Variants in ADAMTS12 observed in about 807,000 individuals in gnomAD.
ADAMTS12 encodes the protein ADAM metallopeptidase with thrombospondin type 1 motif 12.
In ADAMTS12, 118 loss-of-function variants were observed where a neutral mutation model predicts 167.8. That is an observed-to-expected ratio of 0.70 (90% CI 0.61 to 0.82). The LOEUF (loss-of-function observed/expected upper bound fraction) is 0.82, where lower values mean the gene tolerates loss of function less well. ADAMTS12 is among the 40% of genes least tolerant of loss of function. ADAMTS12 has a pLI of 0.00. For synonymous variants in ADAMTS12, 704 were observed against 716.9 expected (o/e 0.98, Z 0.29); for missense variants, 1,916 against 1,998.8 (o/e 0.96, Z 0.79).
At chr5:33,730,527 G>A (rs1744157722) in intron 3 of ADAMTS12, among the ~76,000 whole-genome samples, 1 of 151,900 alleles carries the variant, frequency 6.6e-6, no homozygotes, top group African/African-American at 2.4e-5. Flanking sequence ...ATAGAATGTT[G>A]ATTCATTATC....
At chr5:33,597,553 C>T (rs1737957886) in intron 16 of ADAMTS12, among the ~76,000 whole-genome samples, 1 of 152,206 alleles carries the variant, frequency 6.6e-6, no homozygotes, top group Non-Finnish European at 1.5e-5. Context: ...GTCCTACCAC[C>T]CACCACCTCG....
chr5:33,761,004 G>A (rs185340804), intron 2 of ADAMTS12, among the ~76,000 whole-genome samples: 1 of 152,096 alleles, frequency 6.6e-6, no homozygotes, highest in African/African-American at 2.4e-5. Context: ...AAAAGGAAGA[G>A]GAAAAATTGC....
At chr5:33,821,978 C>A (rs978947361) in intron 2 of ADAMTS12, among the ~76,000 whole-genome samples, 2 of 152,160 alleles carry the variant, frequency 1.3e-5, no homozygotes, top group African/African-American at 4.8e-5. Context: ...TACTCTTCCA[C>A]GTGTTTAATC....
intron 5 of ADAMTS12, among the ~76,000 whole-genome samples, chr5:33,673,174 C>A (rs1430254955): frequency 6.6e-6 from 1 of 152,220 alleles, no homozygotes; most frequent in Non-Finnish European, 1.5e-5. Flanking sequence ...ACTTCCTGGG[C>A]TCCTCTGTGA....
rs568663031 is a variant in ADAMTS12, at chr5:33,844,133, G to A, written c.489+36986C>T. Among the ~76,000 whole-genome samples the A allele has an allele frequency of 5.4e-4, 82 of 152,076 alleles. No homozygotes were observed. The South Asian group carries it at 0.016, about 30-fold the overall frequency. On this transcript the variant is annotated intron_variant, in intron 2 of 23. Coordinates refer to ENST00000504830, the MANE Select transcript of ADAMTS12 (RefSeq NM_030955.4). ...TTTAATCTCTTAATCCTGTCATCTC[G>A]TAAGCTGAGGAGGATGTATGTTGCC...
intron 3 of ADAMTS12, among the ~76,000 whole-genome samples, chr5:33,699,513 C>T (rs4866374): frequency 0.28 from 42,149 of 151,838 alleles, 7,057 homozygotes; most frequent in Non-Finnish European, 0.38. Flanking sequence ...GACTAGGCCA[C>T]GAATTCTAAG....
At chr5:33,757,808 G>A (rs1404270069) in intron 2 of ADAMTS12, among the ~76,000 whole-genome samples, 1 of 152,196 alleles carries the variant, frequency 6.6e-6, no homozygotes, top group Non-Finnish European at 1.5e-5. Context: ...TTAACTTGCA[G>A]GGTTATGACT....
intron 3 of ADAMTS12, among the ~76,000 whole-genome samples, chr5:33,700,763 T>C (rs1742972071): frequency 6.6e-6 from 1 of 152,202 alleles, no homozygotes; most frequent in Non-Finnish European, 1.5e-5. Context: ...TGTACTGTTG[T>C]TTTAAAAGAT....
intron 2 of ADAMTS12, among the ~76,000 whole-genome samples, chr5:33,759,055 A>T (rs1053903653): frequency 2.6e-5 from 4 of 152,162 alleles, no homozygotes; most frequent in Admixed American, 6.5e-5. Flanking sequence ...AGAATTAATC[A>T]ATTTCTCTTT....
chr5:33,713,797 T>A (rs1218184223), intron 3 of ADAMTS12, among the ~76,000 whole-genome samples: 1 of 152,168 alleles, frequency 6.6e-6, no homozygotes, highest in African/African-American at 2.4e-5. Context: ...TGTGATTAAT[T>A]TTCAAGTCAG....
chr5:33,826,013 C>T (rs1476071345), intron 2 of ADAMTS12, among the ~76,000 whole-genome samples: 4 of 152,286 alleles, frequency 2.6e-5, no homozygotes, highest in Non-Finnish European at 5.9e-5. Flanking sequence ...CATAGTTGAA[C>T]AGGCGGTACA....
chr5:33,629,242 G>A (rs562831454), intron 13 of ADAMTS12, among the ~76,000 whole-genome samples: 1 of 152,100 alleles, frequency 6.6e-6, no homozygotes, highest in Non-Finnish European at 1.5e-5. Context: ...TGGAAAACAG[G>A]TGCCTTGAAT....
chr5:33,756,505 C>T (rs1032670600), intron 2 of ADAMTS12, among the ~76,000 whole-genome samples: 1 of 152,010 alleles, frequency 6.6e-6, no homozygotes, highest in African/African-American at 2.4e-5. Context: ...TAATACACAG[C>T]CAAAATAATA....
intron 16 of ADAMTS12, among the ~76,000 whole-genome samples, chr5:33,605,926 AAC>A (rs1738415689): frequency 1.3e-5 from 2 of 150,706 alleles, no homozygotes; most frequent in Admixed American, 1.3e-4. Context: ...TTTAAATCTG[AAC>A]AGTCTGGTTC....
intron 2 of ADAMTS12, among the ~76,000 whole-genome samples, chr5:33,874,318 T>C (rs542326982): frequency 6.6e-6 from 1 of 152,320 alleles, no homozygotes; most frequent in South Asian, 2.1e-4. Context: ...GCATATGAAA[T>C]GATATCCCAT....
intron 2 of ADAMTS12, among the ~76,000 whole-genome samples, chr5:33,753,132 C>T (rs1000417547): frequency 6.6e-6 from 1 of 152,192 alleles, no homozygotes. Context: ...CGCCTACTAC[C>T]TCATAGGGCT....
At chr5:33,569,443 A>T (rs1410113683) in intron 19 of ADAMTS12, among the ~76,000 whole-genome samples, 1 of 152,218 alleles carries the variant, frequency 6.6e-6, no homozygotes, top group African/African-American at 2.4e-5. Context: ...GATCACGAAA[A>T]TCCATGGTTC....
chr5:33,581,903 T>C lies in ADAMTS12; in HGVS notation c.2866-4743A>G, dbSNP rs116459233. 5.8e-3 allele frequency among the ~76,000 whole-genome samples: 888 copies of C among 152,214 alleles called. 6 individuals are homozygous for C. Among genetic ancestry groups the C allele is most frequent in the African/African-American group, 0.021 (855 of 41,532 alleles). On this transcript the variant is annotated intron_variant, in intron 18 of 23. Coordinates refer to ENST00000504830, the MANE Select transcript of ADAMTS12 (RefSeq NM_030955.4). ...GTCATGTGAAGATGAAGGCAGAGAT[T>C]GGAGTGATGCATTTACAAGCCAATG...
rs145558558 is a variant in ADAMTS12, at chr5:33,687,389, G to A, written c.635-3334C>T. ...AGGACCCGAGGCTCAAAAAGATTAG[G>A]TAATTTTCCTAAAGTCACATAGTAA... On this transcript the variant is annotated intron_variant, in intron 3 of 23. Coordinates refer to ENST00000504830, the MANE Select transcript of ADAMTS12 (RefSeq NM_030955.4). Among the ~76,000 whole-genome samples, 206 of 152,282 alleles carry A rather than the reference G, an allele frequency of 1.4e-3. 1 individual carries two copies. The highest frequency in any genetic ancestry group is 4.8e-3 in the African/African-American group (198 of 41,564).
Sources: gnomAD v4.1 joint callset for allele counts (sites outside exome capture counted in the v4.1 genomes callset) on GRCh38, gnomAD v4.1.1 for gene constraint, MANE v1.5 for transcripts, NCBI Gene and HGNC (gene_info 2026-07-23, HGNC 2026-07-21) for gene names.